ANKS6: variants seen among roughly 807,000 people sequenced by gnomAD.
ANKS6 encodes ankyrin repeat and sterile alpha motif domain containing 6, also known as ankyrin repeat and SAM domain-containing protein 6.
A neutral mutation model predicts 77.9 loss-of-function variants in ANKS6; 47 were observed. That is an observed-to-expected ratio of 0.60 (90% confidence interval 0.48 to 0.77). The LOEUF is 0.77. ANKS6 is among the 30% of genes least tolerant of loss of function. The pLI, the probability that ANKS6 is intolerant of heterozygous loss-of-function variation, is 0.00. For missense variants in ANKS6, 1,150 were observed against 1,159.1 expected (o/e 0.99, Z 0.11); for synonymous variants, 488 against 501.7 (o/e 0.97, Z 0.37).
Position 98,790,237 on chromosome 9 carries a change from C to T in ANKS6, c.729G>A (p.Gln243=). Residue 243 remains glutamine (Q), a synonymous_variant, in exon 2 of 15, where the codon CAG becomes CAA. Transcript: ENST00000353234. ...ALTGRLGVAQ[Q]LVEKGANPDH... ...CAGGGTTGGCGCCCTTCTCCACCAGCTGCTGGGCCACTCCAAGCCGCCCAG... is the reference window on the plus strand; with the variant it reads ...CAGGGTTGGCGCCCTTCTCCACCAGTTGCTGGGCCACTCCAAGCCGCCCAG... 1.2e-6 allele frequency: 2 copies of T among 1,606,908 alleles called. No homozygotes were observed. The highest frequency in any genetic ancestry group is 8.5e-7 in the Non-Finnish European group (1 of 1,174,844).
rs747028154 is a variant in ANKS6 at position 98,756,559 on chromosome 9, G to A, written c.2187C>T (p.Thr729=). 1 of 1,569,918 alleles carries A rather than the reference G, an allele frequency of 6.4e-7. No homozygotes were observed. Among genetic ancestry groups the A allele is most frequent in the Middle Eastern group, 1.7e-4 (1 of 5,838 alleles). Residue 729 remains threonine (T), a synonymous_variant, in exon 12 of 15, where the codon ACC becomes ACT. Transcript: ENST00000353234. ...SKRPPSGTST[T]SKSTSPTLTP... is the part of the protein sequence containing the mutation. ...TGAGGGTTGGAGAGGTGCTCTTGGAGGTAGTGGAAGTTCCAGATGGAGGCC... is the reference window on the plus strand; with the variant it reads ...TGAGGGTTGGAGAGGTGCTCTTGGAAGTAGTGGAAGTTCCAGATGGAGGCC...
At chr9:98,783,825 C>G in intron 4 of ANKS6, 128 bp downstream of exon 4, 1 of 768,078 alleles carries the variant, frequency 1.3e-6, no homozygotes, top group Non-Finnish European at 1.8e-6. Flanking sequence ...TTTTCCATGC[C>G]TCAATGTCGT....
chr9:98,758,020 T>C (rs868835232), intron 11 of ANKS6, among the ~76,000 whole-genome samples: 1 of 152,230 alleles, frequency 6.6e-6, no homozygotes. Context: ...TTCTGCCCAT[T>C]AACTTTGCAT....
In ANKS6 at chr9:98,773,960, T is replaced by A. The variant is rs779962424; in HGVS notation, c.1738A>T (p.Asn580Tyr). Residue 580 changes from asparagine to tyrosine, a missense_variant, in exon 9 of 15, where the codon AAC becomes TAC. By Grantham distance (143) the Asn-to-Tyr change is moderately radical (BLOSUM62 -2). Coordinates refer to ENST00000353234, the MANE Select transcript of ANKS6 (RefSeq NM_173551.5). ...GTCTTCATGGGGTCTGCCTTCCCGT[T>A]GTGACGCGTCCGGGACCGATCAGAG... is the stretch of plus-strand genomic sequence containing the variant. ...WSSDRSRTRH[N>Y]GKADPMKTAL... The A allele has an allele frequency of 6.3e-7, 1 of 1,594,462 alleles. No individual in the cohort carries two copies. The highest frequency in any genetic ancestry group is 1.4e-5 in the African/African-American group (1 of 73,968).
Position 98,733,350 on chromosome 9 carries a change from G to A in ANKS6, c.*3169C>T. 2 of 985,476 alleles carry A rather than the reference G, an allele frequency of 2.0e-6. No individual in the cohort carries two copies. The highest frequency in any genetic ancestry group is 1.2e-6 in the Non-Finnish European group (1 of 829,984). The allele number at this position is 985,476 out of a possible 1,614,324, so 61.0% of individuals were successfully genotyped here. ...CGACACACCAGCAAGACACTGCCTG[G>A]GTGCTGGGAAACAATGCCCTCCACC... On this transcript the variant is annotated 3_prime_UTR_variant, in exon 15 of 15. Coordinates refer to ENST00000353234, the MANE Select transcript of ANKS6 (RefSeq NM_173551.5).
rs781718987 is a variant in ANKS6, at chr9:98,777,424, T to C, written c.1598A>G (p.Asp533Gly). The C allele has an allele frequency of 2.5e-6, 4 of 1,614,078 alleles. No individual in the cohort carries two copies. Among genetic ancestry groups the C allele is most frequent in the Admixed American group, 3.3e-5 (2 of 60,008 alleles). ...ACTCACCATGGTTGTCAATAACGTG[T>C]CTTCCTTTTCTCCTCTTGTGCTCCC... is the stretch of plus-strand genomic sequence containing the variant. ...GPGSTRGEKE[D>G]TLLTTMLRNG... Residue 533 changes from aspartate (D) to glycine (G), a missense_variant, in exon 8 of 15, where the codon GAC becomes GGC. Asp to Gly is a moderately conservative substitution (Grantham distance 94). Coordinates refer to ENST00000353234, the MANE Select transcript of ANKS6 (RefSeq NM_173551.5).
rs116293839 is a variant in ANKS6, at chr9:98,794,323, G to T, written c.359+1810C>A. On this transcript the variant is annotated intron_variant, in intron 1 of 14. Transcript: ENST00000353234. The stretch of plus-strand genomic sequence containing the variant: ...CCAGCGTGGTGGCTGCCAGGGGTGT[G>T]GTTTTGAGCAGGATTCTGGGGGCGT... Among the ~76,000 whole-genome samples the T allele has an allele frequency of 6.9e-3, 1,055 of 152,242 alleles. 9 individuals are homozygous for T. Among genetic ancestry groups the T allele is most frequent in the African/African-American group, 0.024 (1,007 of 41,510 alleles).
intron 2 of ANKS6, among the ~76,000 whole-genome samples, chr9:98,785,164 G>A (rs754178616): frequency 5.3e-5 from 8 of 152,308 alleles, no homozygotes; most frequent in East Asian, 1.9e-4. Context: ...CAAAACAAAC[G>A]TTGGCATATC....
chr9:98,782,439 T>TTACA, intron 5 of ANKS6, 28 bp downstream of exon 5: 1 of 1,595,194 alleles, frequency 6.3e-7, no homozygotes, highest in Non-Finnish European at 8.6e-7. Flanking sequence ...CTGGGTAGAT[T>TTACA]TACAACCCTT....
intron 3 of ANKS6, chr9:98,784,543 ACAAAG>A (rs1834460608): frequency 4.6e-6 from 2 of 435,738 alleles, no homozygotes; most frequent in Middle Eastern, 6.0e-4. Context: ...CCTCTTTGTC[ACAAAG>A]AGACTGGAGT....
chr9:98,747,056 A>G (rs1832173258), intron 13 of ANKS6, among the ~76,000 whole-genome samples: 1 of 152,182 alleles, frequency 6.6e-6, no homozygotes, highest in Non-Finnish European at 1.5e-5. Context: ...ATCACAAACA[A>G]TCCCACCACA....
chr9:98,744,819 G>C (rs908328870), intron 14 of ANKS6, among the ~76,000 whole-genome samples: 2 of 151,906 alleles, frequency 1.3e-5, no homozygotes, highest in Admixed American at 6.6e-5. Flanking sequence ...GTTAGGCCAA[G>C]TGTGAAAAAG....
At chr9:98,783,822 T>A in intron 4 of ANKS6, 131 bp downstream of exon 4, 20 of 622,644 alleles carry the variant, frequency 3.2e-5, no homozygotes, top group Non-Finnish European at 4.1e-5. Context: ...TTTTTTTCCA[T>A]GCCTCAATGT....
intron 14 of ANKS6, among the ~76,000 whole-genome samples, chr9:98,740,792 G>GA (rs796612310): frequency 6.1e-4 from 92 of 150,924 alleles, no homozygotes; most frequent in African/African-American, 2.0e-3. Context: ...TTCTCAAAAG[G>GA]AAAAAAAACA....
rs1399791979 is a variant in ANKS6 at position 98,791,924 on chromosome 9, C to T, written c.360-1318G>A. Among the ~76,000 whole-genome samples, 1 of 152,108 alleles carries T rather than the reference C, an allele frequency of 6.6e-6. No individual in the cohort carries two copies. The highest frequency in any genetic ancestry group is 1.5e-5 in the Non-Finnish European group (1 of 68,012). On this transcript the variant is annotated intron_variant, in intron 1 of 14. Transcript: ENST00000353234. This position sits in a 1 kb window ranked among gnomAD's most constrained non-coding sequence, Gnocchi z 4.3. The stretch of plus-strand genomic sequence containing the variant: ...TGCAGGGGGCTGGGCCTCTTGACCT[C>T]CACTCCCAGAGTGGAAAAGGACAAG...
intron 9 of ANKS6, 25 bp downstream of exon 9, chr9:98,773,852 A>C: frequency 2.7e-6 from 4 of 1,505,216 alleles, no homozygotes; most frequent in Non-Finnish European, 3.5e-6. Flanking sequence ...AGTGATGTGT[A>C]AAAGTGTGTC....
At chr9:98,755,202 T>TTGCTCAGCAGAACC (rs1477581835) in intron 12 of ANKS6, among the ~76,000 whole-genome samples, 1 of 152,202 alleles carries the variant, frequency 6.6e-6, no homozygotes, top group Non-Finnish European at 1.5e-5. Context: ...CCAACTTATC[T>TTGCTCAGCAGAACC]TGCTCAGCAG....
chr9:98,766,255 T>C (rs982168020), intron 11 of ANKS6, among the ~76,000 whole-genome samples: 115 of 152,230 alleles, frequency 7.6e-4, no homozygotes, highest in Non-Finnish European at 1.0e-4. Context: ...ATATAATGTA[T>C]GATCAATACA....
chr9:98,752,618 T>C (rs1203921241), intron 12 of ANKS6, among the ~76,000 whole-genome samples: 1 of 152,182 alleles, frequency 6.6e-6, no homozygotes, highest in Non-Finnish European at 1.5e-5. Context: ...CACTTGCTCT[T>C]TACAACACCA....
Sources: allele counts gnomAD v4.1 joint callset (sites outside exome capture counted in the v4.1 genomes callset), GRCh38; gene constraint gnomAD v4.1.1; non-coding constraint Gnocchi (gnomAD v3.1); transcripts MANE v1.5; gene names NCBI Gene and HGNC (gene_info 2026-07-23, HGNC 2026-07-21).